The following PRKCA variants were observed in gnomAD, a reference collection of about 807,000 sequenced individuals.
PRKCA encodes the protein protein kinase C alpha.
Under a neutral mutation model 87.0 loss-of-function variants are expected in PRKCA, and 27 were observed. The observed-to-expected ratio is 0.31, with a 90% CI of 0.23 to 0.43. PRKCA has a LOEUF of 0.43. Ranked by LOEUF, PRKCA falls within the 20% of genes least tolerant of loss-of-function variation. The pLI is 1.00. For missense variants in PRKCA, 518 were observed against 852.3 expected (o/e 0.61, Z 4.88); for synonymous variants, 329 against 311.1 (o/e 1.06, Z -0.61).
chr17:66,730,300 T>C (rs1196098055), intron 8 of PRKCA, among the ~76,000 whole-genome samples: 1 of 152,212 alleles, frequency 6.6e-6, no homozygotes, highest in African/African-American at 2.4e-5. Flanking sequence ...CCACATGGGT[T>C]CTTGGCTTTG....
intron 5 of PRKCA, among the ~76,000 whole-genome samples, chr17:66,665,514 A>C (rs1040525818): frequency 3.2e-5 from 4 of 124,532 alleles, no homozygotes; most frequent in South Asian, 2.6e-4. Context: ...GGGTCCAAGT[A>C]CCTCCCATGG....
intron 3 of PRKCA, among the ~76,000 whole-genome samples, chr17:66,613,084 A>C (rs1970413901): frequency 6.6e-6 from 1 of 152,214 alleles, no homozygotes; most frequent in South Asian, 2.1e-4. Context: ...ATCAAATCTT[A>C]TCCCCAAATC....
At chr17:66,370,270 C>T (rs180867906) in intron 2 of PRKCA, among the ~76,000 whole-genome samples, 2,195 of 118,860 alleles carry the variant, frequency 0.018, 24 homozygotes, top group Non-Finnish European at 0.024. Context: ...CTTGCTCTGT[C>T]GCCCAGGCTG....
In PRKCA at chr17:66,516,497, A is replaced by G. The variant is rs552507322; in HGVS notation, c.288+20214A>G. On this transcript the variant is annotated intron_variant, in intron 3 of 16. Transcript: ENST00000413366. The stretch of plus-strand genomic sequence containing the variant: ...AAAATACAAAAATTAGCCAGGCGTG[A>G]TGGTGGGTGCCTGTAATCCCAGCTA... 2.7e-4 allele frequency among the ~76,000 whole-genome samples: 41 copies of G among 152,036 alleles called. 2 individuals are homozygous for G. The South Asian group carries it at 8.1e-3, about 30-fold the overall frequency.
intron 3 of PRKCA, among the ~76,000 whole-genome samples, chr17:66,519,106 T>C (rs1197944384): frequency 1.3e-5 from 2 of 152,178 alleles, no homozygotes; most frequent in African/African-American, 2.4e-5. Flanking sequence ...ATGCTATTTC[T>C]ATTGCAGATA....
chr17:66,525,068 C>A (rs1271586576), intron 3 of PRKCA, among the ~76,000 whole-genome samples: 1 of 152,184 alleles, frequency 6.6e-6, no homozygotes, highest in African/African-American at 2.4e-5. Context: ...GAATGCAGTG[C>A]AGTTGACATC....
intron 5 of PRKCA, among the ~76,000 whole-genome samples, chr17:66,657,047 C>CTAA (rs1251345301): frequency 6.6e-6 from 1 of 152,174 alleles, no homozygotes; most frequent in Non-Finnish European, 1.5e-5. Flanking sequence ...TGCATCTTAG[C>CTAA]TTGTAGGCGT....
intron 2 of PRKCA, among the ~76,000 whole-genome samples, chr17:66,338,108 C>G (rs1225212007): frequency 6.9e-6 from 1 of 144,068 alleles, no homozygotes; most frequent in East Asian, 2.0e-4. Flanking sequence ...GAATGATTTC[C>G]TAAGGCATTT....
At chr17:66,779,961 C>T (rs910637200) in intron 14 of PRKCA, among the ~76,000 whole-genome samples, 2 of 152,100 alleles carry the variant, frequency 1.3e-5, no homozygotes, top group African/African-American at 4.8e-5. Context: ...GCTGGCAGTA[C>T]CAGAAAGGAA....
intron 2 of PRKCA, among the ~76,000 whole-genome samples, chr17:66,463,395 T>TA (rs397735601): frequency 8.0e-5 from 12 of 150,496 alleles, no homozygotes; most frequent in Non-Finnish European, 4.4e-5. Flanking sequence ...TTTTTTTTTT[T>TA]AAATTTTTTT....
At chr17:66,503,156 A>C (rs1598725826) in intron 3 of PRKCA, among the ~76,000 whole-genome samples, 1 of 152,184 alleles carries the variant, frequency 6.6e-6, no homozygotes, top group East Asian at 1.9e-4. Flanking sequence ...AAAGGCTTCA[A>C]GCGTCTGGAG....
chr17:66,374,847 T>C (rs1054173143), intron 2 of PRKCA, among the ~76,000 whole-genome samples: 1 of 151,260 alleles, frequency 6.6e-6, no homozygotes, highest in African/African-American at 2.4e-5. Context: ...CATGTGTCAG[T>C]CTCCCGAGTA....
intron 14 of PRKCA, among the ~76,000 whole-genome samples, chr17:66,781,828 C>T (rs1013461271): frequency 4.1e-5 from 6 of 146,110 alleles, no homozygotes; most frequent in Middle Eastern, 3.3e-3. Flanking sequence ...CACTTAAAAG[C>T]GGTTAAGATG....
intron 2 of PRKCA, among the ~76,000 whole-genome samples, chr17:66,459,221 A>T (rs1914723474): frequency 1.3e-5 from 2 of 151,898 alleles, no homozygotes; most frequent in South Asian, 4.2e-4. Flanking sequence ...AAAAAAAAAA[A>T]AATACAAAAA....
At chr17:66,646,461 T>TG (rs56816929) in intron 5 of PRKCA, among the ~76,000 whole-genome samples, 152,208 of 152,230 alleles carry the variant, frequency 1, 76,093 homozygotes, top group Middle Eastern at 1. Flanking sequence ...TCCTTGCACT[T>TG]GGGGTCCCTG....
rs1334915980 is a variant in PRKCA at position 66,445,388 on chromosome 17, G to A, written c.206-50813G>A. On this transcript the variant is annotated intron_variant, in intron 2 of 16. Transcript: ENST00000413366. ...CTGATCCAGGCTGATCCTGACACTG[G>A]AGAGTCCAAGCATTGGAGGCCAGAG... Among the ~76,000 whole-genome samples, 2 of 152,230 alleles carry A rather than the reference G, an allele frequency of 1.3e-5. 1 individual carries two copies. Among genetic ancestry groups the A allele is most frequent in the South Asian group, 4.1e-4 (2 of 4,832 alleles).
At chr17:66,742,394 G>A (rs547767887) in intron 12 of PRKCA, among the ~76,000 whole-genome samples, 1 of 152,180 alleles carries the variant, frequency 6.6e-6, no homozygotes, top group Non-Finnish European at 1.5e-5. Context: ...TAGTCCAGTC[G>A]TTTAGTAATC....
intron 2 of PRKCA, among the ~76,000 whole-genome samples, chr17:66,428,547 A>T (rs1165249249): frequency 6.7e-6 from 1 of 149,646 alleles, no homozygotes; most frequent in Non-Finnish European, 1.5e-5. Flanking sequence ...TCTGTCACCC[A>T]GGCTAGAGTG....
chr17:66,358,859 G>T (rs1194736283), intron 2 of PRKCA, among the ~76,000 whole-genome samples: 1 of 151,450 alleles, frequency 6.6e-6, no homozygotes, highest in Admixed American at 6.6e-5. Context: ...GATTTCTATG[G>T]TTACATACGT....
Sources: allele counts gnomAD v4.1 joint callset (sites outside exome capture counted in the v4.1 genomes callset), GRCh38; gene constraint gnomAD v4.1.1; transcripts MANE v1.5; gene names NCBI Gene and HGNC (gene_info 2026-07-23, HGNC 2026-07-21).